MGA: variants seen among roughly 807,000 people sequenced by gnomAD.
MGA encodes MAX gene-associated protein.
Under a neutral mutation model 261.1 loss-of-function variants are expected in MGA, and 40 were observed. The ratio of observed to expected loss-of-function variants is 0.15; its 90% CI spans 0.12 to 0.20. MGA has a LOEUF of 0.20. MGA is among the 10% of genes least tolerant of loss of function. MGA has a pLI of 1.00. For synonymous variants in MGA, 1,302 were observed against 1,290.6 expected, an observed-to-expected ratio of 1.01 and a Z score of -0.19; for missense variants, 3,397 against 3,630.5, an observed-to-expected ratio of 0.94 and a Z score of 1.65.
At chr15:41,626,554 C>T (rs1255283434) in intron 1 of MGA, among the ~76,000 whole-genome samples, 1 of 152,074 alleles carries the variant, frequency 6.6e-6, no homozygotes, top group Admixed American at 6.5e-5. Flanking sequence ...TCCTGAGTAG[C>T]TAGGATTACA....
Position 41,649,712 on chromosome 15 carries a change from C to T in MGA, c.-67-19116C>T, listed in dbSNP as rs548465571. 2.6e-5 allele frequency among the ~76,000 whole-genome samples: 4 copies of T among 152,282 alleles called. No homozygotes were observed. The South Asian group carries it at 8.3e-4, about 32-fold the overall frequency. On this transcript the variant is annotated intron_variant, in intron 1 of 8. Coordinates refer to the MGA transcript ENST00000566718. ...GTTTGTTTATTGAGCTGGAGTCTCT[C>T]TCTGTCACCCAGGCTGGAGCTCAGT...
At chr15:41,739,846 G>A in intron 13 of MGA, 60 bp from the exon 14 acceptor site, 1 of 1,531,208 alleles carries the variant, frequency 6.5e-7, no homozygotes, top group Non-Finnish European at 8.9e-7. Flanking sequence ...CCCTGTCAAG[G>A]GAGAGGAGTT....
rs1331265868 is a variant in MGA, at chr15:41,696,238, G to A, written c.1228G>A (p.Glu410Lys). The A allele has an allele frequency of 5.6e-6, 9 of 1,613,954 alleles. No individual in the cohort carries two copies. In the Admixed American group the frequency reaches 1.5e-4, roughly 27 times the overall value. ...TGTGAAACAGGAAGAGACAGATGAA[G>A]AGACGGATGTATACTCAAACAGTGA... The change falls in exon 3 of 24, where the codon GAG becomes AAG. Residue 410 changes from glutamate (E) to lysine (K), a missense_variant. By Grantham distance (56) the Glu-to-Lys change is moderately conservative. Transcript: ENST00000219905.
intron 11 of MGA, among the ~76,000 whole-genome samples, chr15:41,734,011 G>A (rs1337064670): frequency 2.7e-5 from 4 of 149,660 alleles, no homozygotes; most frequent in East Asian, 2.0e-4. Flanking sequence ...CAGCTCAAGC[G>A]ATCCTTCTGT....
intron 1 of MGA, among the ~76,000 whole-genome samples, chr15:41,668,517 ATAC>A (rs1317179885): frequency 6.6e-6 from 1 of 152,152 alleles, no homozygotes; most frequent in Non-Finnish European, 1.5e-5. Flanking sequence ...TTAATTTTGT[ATAC>A]TTTTTTAATA....
chr15:41,761,781 T>C lies in MGA; in HGVS notation c.7441T>C (p.Leu2481=), dbSNP rs2063473405. The change falls in exon 21 of 24, where the codon TTG becomes CTG. Residue 2481 remains leucine (L), a synonymous_variant. Coordinates refer to ENST00000219905, the MANE Select transcript of MGA (RefSeq NM_001164273.2). ...GGGACTAACAGATCAGGCAGACAAA[T>C]TGATAGGACAGAAAAATCTCCTGAC... is the stretch of plus-strand genomic sequence containing the variant. The C allele has an allele frequency of 1.2e-6, 2 of 1,600,784 alleles. No individual in the cohort carries two copies. The highest frequency in any genetic ancestry group is 2.2e-5 in the East Asian group (1 of 44,648).
In MGA at chr15:41,760,436, G is replaced by A. The variant is rs1002669349; in HGVS notation, c.7305G>A (p.Arg2435=). The A allele has an allele frequency of 1.9e-6, 3 of 1,614,034 alleles. No individual in the cohort carries two copies. The highest frequency in any genetic ancestry group is 1.1e-5 in the South Asian group (1 of 91,086). Residue 2435 remains arginine (R), a synonymous_variant, in exon 20 of 24, where the codon CGG becomes CGA. Transcript: ENST00000219905. ...CACACACTGCCAATGAGCGGCGGCG[G>A]CGTGGTGAAATGAGGGATCTCTTTG...
chr15:41,767,421 GGTAGGGTGCTGACCCTGGTATAAGA>G lies in MGA; in HGVS notation c.*142_*166del. On this transcript the variant is annotated 3_prime_UTR_variant, in exon 24 of 24. Coordinates refer to ENST00000219905, the MANE Select transcript of MGA (RefSeq NM_001164273.2). Reference sequence around the variant, plus strand: ...CAGTGGATAATGATGGGAGAAAGGGGGTAGGGTGCTGACCCTGGTATAAGAAGTACTCTGAAATTCTGATCATGTT... The same window carrying G: ...CAGTGGATAATGATGGGAGAAAGGGGAGTACTCTGAAATTCTGATCATGTT... 1.1e-6 allele frequency: 1 copy of G among 871,574 alleles called. No homozygotes were observed. The highest frequency in any genetic ancestry group is 2.5e-5 in the East Asian group (1 of 39,882). The allele number at this position is 871,574 out of a possible 1,614,324, so 54.0% of individuals were successfully genotyped here.
At chr15:41,695,989 C>T (rs2059535230) in intron 2 of MGA, 86 bp from the exon 3 acceptor site, 2 of 1,038,718 alleles carry the variant, frequency 1.9e-6, no homozygotes, top group African/African-American at 1.6e-5. Context: ...ACTTGGATTC[C>T]TAACATCTTT....
chr15:41,634,502 T>C lies in MGA; in HGVS notation c.-68+13204T>C, dbSNP rs1283930815. ...GACACTAAATATTTGTGTATGTTTA[T>C]GTATGTGTGTGTGTATGTATGTTTG... On this transcript the variant is annotated intron_variant, in intron 1 of 8. Coordinates refer to the MGA transcript ENST00000566718. Among the ~76,000 whole-genome samples, 3 of 152,310 alleles carry C rather than the reference T, an allele frequency of 2.0e-5. No individual in the cohort carries two copies. The East Asian group carries it at 5.8e-4, about 29-fold the overall frequency.
upstream of MGA, among the ~76,000 whole-genome samples, chr15:41,660,162 G>A (rs964256734): frequency 2.0e-5 from 3 of 152,234 alleles, no homozygotes; most frequent in Admixed American, 2.0e-4. Context: ...AGGAGTTTAG[G>A]TGCCTCCCTC....
intron 9 of MGA, among the ~76,000 whole-genome samples, chr15:41,717,184 T>A (rs184380410): frequency 1.3e-5 from 2 of 152,272 alleles, no homozygotes; most frequent in East Asian, 3.9e-4. Context: ...TCTGCCTCCT[T>A]GTTGTAGACC....
In MGA at chr15:41,669,080, G is replaced by A; in HGVS notation, c.186G>A (p.Gly62=). The A allele has an allele frequency of 6.2e-7, 1 of 1,610,020 alleles. No homozygotes were observed. The highest frequency in any genetic ancestry group is 8.5e-7 in the Non-Finnish European group (1 of 1,176,474). The stretch of plus-strand genomic sequence containing the variant: ...TGTCATCACCAGTAAAATCTAAAGG[G>A]AAGATTTGCCTTCCAGCTGATTGTA... Residue 62 remains glycine (G), a synonymous_variant, in exon 2 of 24, where the codon GGG becomes GGA. Coordinates refer to ENST00000219905, the MANE Select transcript of MGA (RefSeq NM_001164273.2).
At chr15:41,765,118 A>C (rs2152037330) in intron 23 of MGA, 56 bp downstream of exon 23, 2,319 of 1,557,072 alleles carry the variant, frequency 1.5e-3, no homozygotes, top group Non-Finnish European at 1.9e-3. Flanking sequence ...CTAACATCTC[A>C]CGGTGACCAA....
Position 41,767,174 on chromosome 15 carries a change from C to T in MGA, c.9092C>T (p.Thr3031Ile). 1.2e-6 allele frequency: 2 copies of T among 1,613,968 alleles called. No homozygotes were observed. Among genetic ancestry groups the T allele is most frequent in the Non-Finnish European group, 8.5e-7 (1 of 1,179,872 alleles). Reference sequence around the variant, plus strand: ...TCAGTTGGACACAAAATGAACTTAACAGGGAATGACCAGGAAGGCCGGGAA... The same window carrying T: ...TCAGTTGGACACAAAATGAACTTAATAGGGAATGACCAGGAAGGCCGGGAA... Residue 3031 changes from threonine to isoleucine, a missense_variant, in exon 24 of 24, where the codon ACA (threonine) becomes ATA (isoleucine). By Grantham distance (89) the Thr-to-Ile change is moderately conservative. This residue lies in a region of MGA where 647 missense variants were observed against 642.4 expected (regional missense o/e 1.01). Transcript: ENST00000219905.
intron 13 of MGA, among the ~76,000 whole-genome samples, chr15:41,737,324 GT>G (rs893262901): frequency 2.1e-5 from 3 of 144,978 alleles, no homozygotes; most frequent in Non-Finnish European, 3.0e-5. Context: ...TTTTGTTTTT[GT>G]TTTTTTTTTA....
intron 1 of MGA, among the ~76,000 whole-genome samples, chr15:41,634,818 A>G (rs886105504): frequency 1.3e-5 from 2 of 152,130 alleles, no homozygotes; most frequent in South Asian, 2.1e-4. Context: ...AGGGAGGGTT[A>G]TGGTCCCACC....
chr15:41,674,533 T>TTTTTA lies in MGA; in HGVS notation c.1064+4579_1064+4580insATTTT, dbSNP rs2058270613. On this transcript the variant is annotated intron_variant, in intron 2 of 23. Transcript: ENST00000219905. ...TATTCTTATTTTTATTTTTATTTTT[T>TTTTTA]TTTTTAGACAGAGTCTTGCTGTGTC... Among the ~76,000 whole-genome samples, 7 of 151,554 alleles carry TTTTTA rather than the reference T, an allele frequency of 4.6e-5. No homozygotes were observed. The East Asian group carries it at 7.7e-4, about 17-fold the overall frequency.
At position 41,711,474 on chromosome 15, in the gene MGA, C is replaced by A; in HGVS notation, c.3084+125C>A. 3 of 945,860 alleles carry A rather than the reference C, an allele frequency of 3.2e-6. No homozygotes were observed. In the South Asian group the frequency reaches 5.3e-5, roughly 17 times the overall value. The allele number at this position is 945,860 out of a possible 1,614,324, so 58.6% of individuals were successfully genotyped here. The stretch of plus-strand genomic sequence containing the variant: ...GCTAGTTTTTAGCATTTAGAACCTT[C>A]ATGGGAACTAAGGCTATGTCTTCCC... On this transcript the variant is annotated intron_variant, in intron 8 of 23. Coordinates refer to ENST00000219905, the MANE Select transcript of MGA (RefSeq NM_001164273.2).
Sources: gnomAD v4.1 joint callset for allele counts (sites outside exome capture counted in the v4.1 genomes callset) on GRCh38, gnomAD v4.1.1 for gene constraint, gnomAD v4.1.1 regional missense constraint, MANE v1.5 for transcripts, NCBI Gene and HGNC (gene_info 2026-07-23, HGNC 2026-07-21) for gene names.